OPA1: variants seen among roughly 807,000 people sequenced by gnomAD.
OPA1 encodes OPA1 mitochondrial dynamin like GTPase.
OPA1 carries 59 observed loss-of-function variants against 152.9 expected under a neutral mutation model. The observed-to-expected ratio is 0.39, with a 90% confidence interval of 0.31 to 0.48. The LOEUF (loss-of-function observed/expected upper bound fraction) is 0.48, where lower values mean the gene tolerates loss of function less well. Among genes scored for constraint, OPA1 ranks in the 20% least tolerant of loss-of-function variants. OPA1 has a pLI of 0.96. For missense variants in OPA1, 1,008 were observed against 1,216.8 expected, an observed-to-expected ratio of 0.83 and a Z score of 2.55; for synonymous variants, 400 against 389.9, an observed-to-expected ratio of 1.03 and a Z score of -0.31.
chr3:193,678,363 A>G (rs1719534268), intron 29 of OPA1, among the ~76,000 whole-genome samples: 1 of 151,850 alleles, frequency 6.6e-6, no homozygotes. Context: ...GTGTATATGC[A>G]TTGTGGGAAA....
Position 193,667,145 on chromosome 3 carries a change from A to C in OPA1, c.2873-25A>C, listed in dbSNP as rs1560046833. 5.6e-6 allele frequency: 6 copies of C among 1,068,358 alleles called. No individual in the cohort carries two copies. The South Asian group carries it at 6.2e-5, about 11-fold the overall frequency. The allele number at this position is 1,068,358 out of a possible 1,614,324, so 66.2% of individuals were successfully genotyped here. A position where few individuals can be genotyped will look rare whatever the true frequency, so the allele number is the denominator to read the frequency against. Reference sequence around the variant, plus strand: ...TTCATTTATAAAAACGATGCTCCTCAGGTTTTTTAACTTTCTTTAAACAGT... The same window carrying C: ...TTCATTTATAAAAACGATGCTCCTCCGGTTTTTTAACTTTCTTTAAACAGT... On this transcript the variant is annotated intron_variant, in intron 28 of 30. Coordinates refer to ENST00000361510, the MANE Select transcript of OPA1 (RefSeq NM_130837.3).
At chr3:193,627,043 A>G (rs973605345) in intron 7 of OPA1, among the ~76,000 whole-genome samples, 2 of 152,236 alleles carry the variant, frequency 1.3e-5, no homozygotes, top group African/African-American at 4.8e-5. Flanking sequence ...ATTATGTTAC[A>G]TCTTATTAGC....
intron 7 of OPA1, among the ~76,000 whole-genome samples, chr3:193,627,644 A>G (rs1194281420): frequency 6.6e-6 from 1 of 152,168 alleles, no homozygotes; most frequent in Admixed American, 6.5e-5. Flanking sequence ...CCTGCTATTT[A>G]ACATTCTAAG....
In OPA1 at chr3:193,638,016, G is replaced by C; in HGVS notation, c.1100G>C (p.Arg367Pro). ...TSVLEMIAQARIFPRGSGEMM... is the reference protein window; with the variant it reads ...TSVLEMIAQAPIFPRGSGEMM... ...GTGTTGGAAATGATTGCCCAAGCTCGAATATTCCCAAGAGGATCTGGGGAG... is the reference window on the plus strand; with the variant it reads ...GTGTTGGAAATGATTGCCCAAGCTCCAATATTCCCAAGAGGATCTGGGGAG... Residue 367 changes from arginine (R) to proline (P), a missense_variant, in exon 11 of 31, where the codon CGA becomes CCA. Transcript: ENST00000361510. The C allele has an allele frequency of 2.5e-6, 4 of 1,614,120 alleles. No individual in the cohort carries two copies. The Admixed American group carries it at 5.0e-5, about 20-fold the overall frequency.
chr3:193,687,228 G>A (rs889862649), intron 29 of OPA1, among the ~76,000 whole-genome samples: 2 of 152,112 alleles, frequency 1.3e-5, no homozygotes, highest in African/African-American at 4.8e-5. Context: ...AAAAGAGAAG[G>A]AACTTCATTC....
intron 24 of OPA1, 135 bp downstream of exon 24, chr3:193,659,130 T>A: frequency 1.4e-6 from 1 of 736,612 alleles, no homozygotes; most frequent in Non-Finnish European, 2.4e-6. Context: ...ATATTATTTG[T>A]GGAATTTTTT....
In OPA1 at chr3:193,617,773, A is replaced by G. The variant is rs370368093; in HGVS notation, c.557-11A>G. 11 of 1,605,514 alleles carry G rather than the reference A, an allele frequency of 6.9e-6. No individual in the cohort carries two copies. Among genetic ancestry groups the G allele is most frequent in the African/African-American group, 1.3e-5 (1 of 74,694 alleles). ...TACATTTCTATTTCCCCTTTTGCTG[A>G]TTTTTCACAGGTCACAAATTGGTTA... is the stretch of plus-strand genomic sequence containing the variant. On this transcript the variant is annotated splice_polypyrimidine_tract_variant and intron_variant, in intron 4 of 30. Transcript: ENST00000361510.
At chr3:193,604,650 C>T (rs567213671) in intron 1 of OPA1, among the ~76,000 whole-genome samples, 30 of 152,010 alleles carry the variant, frequency 2.0e-4, no homozygotes, top group South Asian at 1.0e-3. Context: ...CACCTGAGGT[C>T]GGGAGTTCAA....
At chr3:193,649,740 CCT>C (rs2109090514) in intron 21 of OPA1, among the ~76,000 whole-genome samples, 1 of 152,214 alleles carries the variant, frequency 6.6e-6, no homozygotes, top group Admixed American at 6.5e-5. Context: ...AGTGGTGAAA[CCT>C]CTTCTATCTT....
chr3:193,605,840 A>G (rs1237064039), intron 1 of OPA1, among the ~76,000 whole-genome samples: 1 of 152,196 alleles, frequency 6.6e-6, no homozygotes, highest in Non-Finnish European at 1.5e-5. Flanking sequence ...CTGGAACTTG[A>G]TTTGAAACCC....
chr3:193,637,237 T>C lies in OPA1; in HGVS notation c.991T>C (p.Ser331Pro). The change falls in exon 10 of 31, where the codon TCT becomes CCT. Residue 331 changes from serine to proline, a missense_variant. Ser to Pro is a moderately conservative substitution (Grantham distance 74). Coordinates refer to ENST00000361510, the MANE Select transcript of OPA1 (RefSeq NM_130837.3). ...DMYSEVLDVL[S>P]DYDASYNTQD... Reference sequence around the variant, plus strand: ...GTATTCTGAAGTTCTTGATGTTCTCTCTGATTATGATGCCAGTTATAATAC... The same window carrying C: ...GTATTCTGAAGTTCTTGATGTTCTCCCTGATTATGATGCCAGTTATAATAC... 1 of 1,608,610 alleles carries C rather than the reference T, an allele frequency of 6.2e-7. No homozygotes were observed. Among genetic ancestry groups the C allele is most frequent in the South Asian group, 1.1e-5 (1 of 90,296 alleles).
In OPA1 at chr3:193,658,901, C is replaced by A; in HGVS notation, c.2346C>A (p.His782Gln). 6.2e-7 allele frequency: 1 copy of A among 1,613,080 alleles called. No homozygotes were observed. Among genetic ancestry groups the A allele is most frequent in the Non-Finnish European group, 8.5e-7 (1 of 1,179,130 alleles). ...FAEDSLRVIQ[H>Q]NALEDRSISD... is the part of the protein sequence containing the mutation. Reference sequence around the variant, plus strand: ...GTTATTTTCAGAGGGTTATTCAACACAATGCTTTGGAAGACCGATCCATAT... The same window carrying A: ...GTTATTTTCAGAGGGTTATTCAACAAAATGCTTTGGAAGACCGATCCATAT... Residue 782 changes from histidine to glutamine, a missense_variant, in exon 24 of 31, where the codon CAC becomes CAA. Around this residue, in one of 7 missense-constraint regions of OPA1, gnomAD observed 229 missense variants for 269.0 expected, o/e 0.85. Transcript: ENST00000361510.
chr3:193,629,377 C>A (rs561997381), intron 7 of OPA1, among the ~76,000 whole-genome samples: 44 of 152,212 alleles, frequency 2.9e-4, no homozygotes, highest in African/African-American at 9.9e-4. Context: ...CACTTGTGAT[C>A]ATTAAATACT....
chr3:193,648,283 G>T, intron 20 of OPA1, 149 bp downstream of exon 20: 1 of 614,268 alleles, frequency 1.6e-6, no homozygotes, highest in South Asian at 1.9e-5. Flanking sequence ...TCTAGGAGCA[G>T]TTATCTCTTT....
At position 193,696,456 on chromosome 3, in the gene OPA1, A is replaced by T. The variant is rs997536842; in HGVS notation, c.*1856A>T. 6.6e-6 allele frequency: 1 copy of T among 152,232 alleles called. No homozygotes were observed. The highest frequency in any genetic ancestry group is 1.5e-5 in the Non-Finnish European group (1 of 68,042). The allele number at this position is 152,232 out of a possible 1,614,324, so 9.4% of individuals were successfully genotyped here. ...CAATTAATATTACTAAAAGTCCCAC[A>T]TGAGAGTCCTGACGCCCTCTCCATG... On this transcript the variant is annotated 3_prime_UTR_variant, in exon 31 of 31. Coordinates refer to ENST00000361510, the MANE Select transcript of OPA1 (RefSeq NM_130837.3).
At chr3:193,665,987 G>GTA in intron 27 of OPA1, among the ~76,000 whole-genome samples, 1 of 152,180 alleles carries the variant, frequency 6.6e-6, no homozygotes, top group Admixed American at 6.5e-5. Flanking sequence ...TAAATGGAGG[G>GTA]TATATGCTGT....
chr3:193,643,730 G>A, intron 15 of OPA1, 103 bp downstream of exon 15: 1 of 1,083,724 alleles, frequency 9.2e-7, no homozygotes, highest in Non-Finnish European at 1.4e-6. Flanking sequence ...CAAGATAAAT[G>A]CATTTTTGCC....
intron 29 of OPA1, 33 bp from the exon 30 acceptor site, chr3:193,692,030 A>G (rs1247379530): frequency 7.9e-7 from 1 of 1,271,484 alleles, no homozygotes. Context: ...ACCTTTGAAA[A>G]ATAAATGTTT....
chr3:193,638,727 C>T (rs1005787979), intron 11 of OPA1, among the ~76,000 whole-genome samples: 12 of 152,110 alleles, frequency 7.9e-5, no homozygotes, highest in African/African-American at 2.4e-4. Context: ...ATAGGAATTC[C>T]GCATTTTCTA....
Sources: gnomAD v4.1 joint callset for allele counts (sites outside exome capture counted in the v4.1 genomes callset) on GRCh38, gnomAD v4.1.1 for gene constraint, gnomAD v4.1.1 regional missense constraint, MANE v1.5 for transcripts, NCBI Gene and HGNC (gene_info 2026-07-23, HGNC 2026-07-21) for gene names.